CHD7: variants seen among roughly 807,000 people sequenced by gnomAD.
CHD7 encodes the protein ATP-dependent chromatin remodeler CHD7.
In CHD7, 24 loss-of-function variants were observed where a neutral mutation model predicts 307.3. The ratio of observed to expected loss-of-function variants is 0.08; its 90% CI spans 0.06 to 0.11. The LOEUF (loss-of-function observed/expected upper bound fraction) is 0.11. Ranked by LOEUF, CHD7 falls within the 10% of genes least tolerant of loss-of-function variation. CHD7 has a pLI of 1.00. For missense variants in CHD7, 3,106 were observed against 3,727.1 expected (o/e 0.83, Z 4.34); for synonymous variants, 1,363 against 1,349.9 (o/e 1.01, Z -0.21).
chr8:60,736,929 AAG>A (rs1388547009), intron 1 of CHD7, among the ~76,000 whole-genome samples: 5 of 152,186 alleles, frequency 3.3e-5, no homozygotes, highest in African/African-American at 1.2e-4. Flanking sequence ...CTACTTTGAG[AAG>A]AGTGTAGTAA....
chr8:60,809,286 T>A (rs1812683360), intron 7 of CHD7, among the ~76,000 whole-genome samples: 1 of 152,298 alleles, frequency 6.6e-6, no homozygotes, highest in South Asian at 2.1e-4. Context: ...CTGACAATTT[T>A]AAAAATGCTC....
At chr8:60,839,030 A>C (rs1294172707) in intron 19 of CHD7, among the ~76,000 whole-genome samples, 1 of 152,220 alleles carries the variant, frequency 6.6e-6, no homozygotes, top group Non-Finnish European at 1.5e-5. Context: ...TAAGTTTGTA[A>C]CATTTCCATA....
Position 60,781,321 on chromosome 8 carries a change from A to G in CHD7, c.1987A>G (p.Lys663Glu). 4.5e-6 allele frequency: 7 copies of G among 1,571,744 alleles called. No homozygotes were observed. Among genetic ancestry groups the G allele is most frequent in the Non-Finnish European group, 6.0e-6 (7 of 1,159,606 alleles). ...GGAACCGAAAGAACCCAAGGAGAAA[A>G]AAGAGCCCAAGGAACCCAAGACCCC... ...PKEPKEPKEK[K>E]EPKEPKTPKA... is the part of the protein sequence containing the mutation. The change falls in exon 3 of 38, where the codon AAA becomes GAA. Residue 663 changes from lysine (K) to glutamate (E), a missense_variant. Coordinates refer to ENST00000423902, the MANE Select transcript of CHD7 (RefSeq NM_017780.4).
Position 60,781,036 on chromosome 8 carries a change from C to A in CHD7, c.1702C>A (p.Pro568Thr), listed in dbSNP as rs1356452967. 1 of 1,589,368 alleles carries A rather than the reference C, an allele frequency of 6.3e-7. No individual in the cohort carries two copies. Among genetic ancestry groups the A allele is most frequent in the Non-Finnish European group, 8.5e-7 (1 of 1,170,488 alleles). ...GGAGCCCTTTCTAGAGAAACCAGTGCCGGATATGACTCAGGTTAGTGGACC... is the reference window on the plus strand; with the variant it reads ...GGAGCCCTTTCTAGAGAAACCAGTGACGGATATGACTCAGGTTAGTGGACC... ...PSEPFLEKPV[P>T]DMTQVSGPNA... The change falls in exon 3 of 38, where the codon CCG becomes ACG. Residue 568 changes from proline (P) to threonine (T), a missense_variant. Physicochemically the swap from Pro to Thr is conservative, Grantham distance 38. Around this residue, in one of 10 missense-constraint regions of CHD7, gnomAD observed 998 missense variants for 1,004.5 expected, o/e 0.99. Coordinates refer to ENST00000423902, the MANE Select transcript of CHD7 (RefSeq NM_017780.4).
intron 1 of CHD7, among the ~76,000 whole-genome samples, chr8:60,693,942 C>A (rs1299131508): frequency 6.6e-6 from 1 of 152,250 alleles, no homozygotes; most frequent in Non-Finnish European, 1.5e-5. Flanking sequence ...AGCATCAGAG[C>A]AGTCACCTGC....
intron 2 of CHD7, among the ~76,000 whole-genome samples, chr8:60,775,365 C>CTA (rs559650642): frequency 6.6e-6 from 1 of 151,334 alleles, no homozygotes; most frequent in South Asian, 2.1e-4. Context: ...CTACTTTATT[C>CTA]CTACCAGTAA....
chr8:60,680,195 C>G lies in CHD7; in HGVS notation c.-175+1113C>G, dbSNP rs1171817805. Among the ~76,000 whole-genome samples, 8 of 151,886 alleles carry G rather than the reference C, an allele frequency of 5.3e-5. No individual in the cohort carries two copies. The East Asian group carries it at 1.4e-3, about 26-fold the overall frequency. The stretch of plus-strand genomic sequence containing the variant: ...GGTGCGCTCTGCCCTCGCAGAGAGC[C>G]GCGGCTTGGAGCGTGAACGGCCGAG... On this transcript the variant is annotated intron_variant, in intron 1 of 37. Transcript: ENST00000423902.
intron 2 of CHD7, among the ~76,000 whole-genome samples, chr8:60,775,114 G>C (rs1014492591): frequency 2.0e-5 from 3 of 151,850 alleles, no homozygotes; most frequent in Non-Finnish European, 4.4e-5. Flanking sequence ...CTGTTCTAAG[G>C]ACAGCTTTAA....
At chr8:60,764,780 G>A (rs1245591548) in intron 2 of CHD7, among the ~76,000 whole-genome samples, 2 of 152,220 alleles carry the variant, frequency 1.3e-5, no homozygotes, top group African/African-American at 4.8e-5. Context: ...TTGTATGGGA[G>A]AAGAAATGCA....
chr8:60,848,645 A>G, intron 24 of CHD7, 41 bp downstream of exon 24: 1 of 1,464,866 alleles, frequency 6.8e-7, no homozygotes, highest in East Asian at 2.3e-5. Context: ...TCAGTGAGAT[A>G]ATCTGGGTAG....
intron 2 of CHD7, among the ~76,000 whole-genome samples, chr8:60,758,785 G>C (rs1445310471): frequency 1.3e-5 from 2 of 152,252 alleles, no homozygotes; most frequent in Admixed American, 1.3e-4. Context: ...TTGGTGCTTT[G>C]GTGAGCAGCA....
At chr8:60,726,983 G>A (rs1030356508) in intron 1 of CHD7, among the ~76,000 whole-genome samples, 3 of 152,078 alleles carry the variant, frequency 2.0e-5, no homozygotes, top group African/African-American at 7.2e-5. Flanking sequence ...TTCTATTAGT[G>A]TTTAATTGTA....
rs763572916 is a variant in CHD7, at chr8:60,741,530, C to G, written c.98C>G (p.Pro33Arg). 36 of 1,613,238 alleles carry G rather than the reference C, an allele frequency of 2.2e-5. No homozygotes were observed. In the Admixed American group the frequency reaches 6.0e-4, roughly 27 times the overall value. Residue 33 changes from proline (P) to arginine (R), a missense_variant, in exon 2 of 38, where the codon CCA (proline) becomes CGA (arginine). By Grantham distance (103) the Pro-to-Arg change is moderately radical (BLOSUM62 -2). Coordinates refer to ENST00000423902, the MANE Select transcript of CHD7 (RefSeq NM_017780.4). ...GLGECGYPEN[P>R]VNPMGQQMPI... ...GGAGAATGTGGTTACCCGGAAAATC[C>G]AGTAAATCCTATGGGTCAGCAAATG...
At chr8:60,838,830 T>C (rs1052643338) in intron 19 of CHD7, among the ~76,000 whole-genome samples, 7 of 152,226 alleles carry the variant, frequency 4.6e-5, no homozygotes, top group Non-Finnish European at 1.0e-4. Flanking sequence ...CACCAGATGG[T>C]TCCACCTGAG....
chr8:60,751,118 T>C (rs1809620783), intron 2 of CHD7, among the ~76,000 whole-genome samples: 3 of 152,196 alleles, frequency 2.0e-5, no homozygotes, highest in African/African-American at 7.2e-5. Flanking sequence ...GTCTGAAAGG[T>C]GGATTACAGA....
chr8:60,742,175 C>G lies in CHD7; in HGVS notation c.743C>G (p.Ser248Cys). ...VPQQSPSMAP[S>C]LRHSVQQFHH... is the part of the protein sequence containing the mutation. ...CAGCAGAGTCCCAGCATGGCACCTT[C>G]CTTGCGTCACTCGGTGCAGCAGTTC... is the stretch of plus-strand genomic sequence containing the variant. The change falls in exon 2 of 38, where the codon TCC (serine) becomes TGC (cysteine). Residue 248 changes from serine (S) to cysteine (C), a missense_variant. By Grantham distance (112) the Ser-to-Cys change is moderately radical. Transcript: ENST00000423902. The G allele has an allele frequency of 1.2e-6, 2 of 1,613,948 alleles. No individual in the cohort carries two copies. Among genetic ancestry groups the G allele is most frequent in the South Asian group, 2.2e-5 (2 of 91,084 alleles).
At chr8:60,698,326 A>G (rs1484443057) in intron 1 of CHD7, among the ~76,000 whole-genome samples, 2 of 152,244 alleles carry the variant, frequency 1.3e-5, no homozygotes, top group East Asian at 3.8e-4. Flanking sequence ...GGGTGAGGCC[A>G]ATACAGGAAG....
intron 1 of CHD7, among the ~76,000 whole-genome samples, chr8:60,690,602 GA>G (rs1806145897): frequency 6.6e-6 from 1 of 152,174 alleles, no homozygotes; most frequent in Admixed American, 6.5e-5. Context: ...GCAGGATAAG[GA>G]AAACTGTCTT....
intron 1 of CHD7, among the ~76,000 whole-genome samples, chr8:60,718,755 A>G (rs1695343712): frequency 6.6e-6 from 1 of 151,536 alleles, no homozygotes; most frequent in Admixed American, 6.5e-5. Flanking sequence ...AGCAGTGTGC[A>G]GTAACATCCT....
Sources: allele counts gnomAD v4.1 joint callset (sites outside exome capture counted in the v4.1 genomes callset), GRCh38; gene constraint gnomAD v4.1.1; regional missense constraint gnomAD v4.1.1; transcripts MANE v1.5; gene names NCBI Gene and HGNC (gene_info 2026-07-23, HGNC 2026-07-21).